Variants in LTBP1 observed in about 807,000 individuals in gnomAD.
LTBP1 encodes latent transforming growth factor beta binding protein 1, also known as latent-transforming growth factor beta-binding protein 1.
Under a neutral mutation model 207.6 loss-of-function variants are expected in LTBP1, and 129 were observed. The ratio of observed to expected loss-of-function variants is 0.62; its 90% CI spans 0.54 to 0.72. The LOEUF (loss-of-function observed/expected upper bound fraction) is 0.72, where lower values mean the gene tolerates loss of function less well. LTBP1 is among the 30% of genes least tolerant of loss of function. The probability of loss-of-function intolerance (pLI) is 0.00; values close to 1 mark genes in which losing one functional copy is unlikely to be tolerated. For synonymous variants in LTBP1, 963 were observed against 833.7 expected, an observed-to-expected ratio of 1.16 and a Z score of -2.67; for missense variants, 2,281 against 2,217.2, an observed-to-expected ratio of 1.03 and a Z score of -0.58.
intron 7 of LTBP1, among the ~76,000 whole-genome samples, chr2:33,205,584 T>C (rs1475026100): frequency 6.6e-6 from 1 of 152,212 alleles, no homozygotes; most frequent in African/African-American, 2.4e-5. Context: ...CCAGAATATA[T>C]GGCTTCCTTA....
At chr2:33,344,512 T>A (rs1280747293) in intron 25 of LTBP1, among the ~76,000 whole-genome samples, 1 of 152,186 alleles carries the variant, frequency 6.6e-6, no homozygotes, top group East Asian at 1.9e-4. Context: ...GGGAATATCC[T>A]CCTGACCTCT....
chr2:33,381,474 C>T (rs1336046446), intron 31 of LTBP1, among the ~76,000 whole-genome samples: 2 of 152,162 alleles, frequency 1.3e-5, no homozygotes, highest in Non-Finnish European at 2.9e-5. Flanking sequence ...AGAGTATTAA[C>T]ATTTACAGGA....
At chr2:33,385,698 C>T (rs535784633) in intron 31 of LTBP1, among the ~76,000 whole-genome samples, 2 of 152,194 alleles carry the variant, frequency 1.3e-5, no homozygotes, top group African/African-American at 4.8e-5. Flanking sequence ...CCCATTACCC[C>T]ACGATCCTGG....
At chr2:33,342,784 G>A (rs2094644453) in intron 24 of LTBP1, 54 bp from the exon 25 acceptor site, 2 of 1,590,806 alleles carry the variant, frequency 1.3e-6, no homozygotes, top group Non-Finnish European at 1.7e-6. Context: ...TTAATATCTG[G>A]TGTTTGTCAG....
intron 4 of LTBP1, among the ~76,000 whole-genome samples, chr2:33,118,528 G>C (rs944548217): frequency 2.6e-5 from 4 of 152,188 alleles, no homozygotes; most frequent in African/African-American, 9.7e-5. Context: ...TAGTACTAAA[G>C]ATTCCTGAAA....
intron 26 of LTBP1, among the ~76,000 whole-genome samples, chr2:33,347,775 A>G (rs1281355270): frequency 6.6e-6 from 1 of 152,220 alleles, no homozygotes; most frequent in Non-Finnish European, 1.5e-5. Flanking sequence ...CAAAATGATG[A>G]GGACATTTGC....
At chr2:33,021,725 A>T (rs1390421182) in intron 3 of LTBP1, among the ~76,000 whole-genome samples, 2 of 152,158 alleles carry the variant, frequency 1.3e-5, no homozygotes, top group African/African-American at 2.4e-5. Context: ...CACCATGTTT[A>T]TCTCCCAGTT....
Position 33,054,372 on chromosome 2 carries a change from G to A in LTBP1, c.863+33166G>A, listed in dbSNP as rs2076887393. ...TGCCTTTGATAAGGAAAAATGGTGG[G>A]ATCTTTTAACCTGATTTGGACTGGG... On this transcript the variant is annotated intron_variant, in intron 3 of 33. Transcript: ENST00000404816. Among the ~76,000 whole-genome samples the A allele has an allele frequency of 2.0e-5, 3 of 152,160 alleles. No homozygotes were observed. In the South Asian group the frequency reaches 6.2e-4, roughly 32 times the overall value.
intron 25 of LTBP1, among the ~76,000 whole-genome samples, chr2:33,344,459 A>T (rs2094674137): frequency 6.6e-6 from 1 of 152,088 alleles, no homozygotes; most frequent in Non-Finnish European, 1.5e-5. Context: ...GTGGTTGCCC[A>T]TGTCACTGTG....
chr2:33,392,093 G>T (rs2095319425), intron 32 of LTBP1, among the ~76,000 whole-genome samples: 2 of 152,224 alleles, frequency 1.3e-5, no homozygotes, highest in South Asian at 2.1e-4. Flanking sequence ...CACCATCTCT[G>T]TTACCTTTAG....
At chr2:33,192,470 A>C (rs1014875430) in intron 7 of LTBP1, among the ~76,000 whole-genome samples, 1 of 152,142 alleles carries the variant, frequency 6.6e-6, no homozygotes, top group African/African-American at 2.4e-5. Context: ...TCACACTCAG[A>C]CAGAAAAAAC....
intron 26 of LTBP1, among the ~76,000 whole-genome samples, chr2:33,360,117 T>G (rs1351572703): frequency 2.0e-5 from 3 of 152,206 alleles, no homozygotes; most frequent in Non-Finnish European, 4.4e-5. Flanking sequence ...CGACAGTATT[T>G]TCCTAGTTAT....
At chr2:33,119,852 T>C (rs754546983) in intron 4 of LTBP1, among the ~76,000 whole-genome samples, 20 of 152,210 alleles carry the variant, frequency 1.3e-4, no homozygotes, top group Non-Finnish European at 2.9e-4. Context: ...GCACTGCGCC[T>C]GGCCTGTAAA....
At chr2:33,193,699 T>C (rs2088196011) in intron 7 of LTBP1, among the ~76,000 whole-genome samples, 1 of 152,230 alleles carries the variant, frequency 6.6e-6, no homozygotes, top group African/African-American at 2.4e-5. Context: ...GACCTTTTCA[T>C]TGTTGTATCT....
At chr2:33,235,960 G>A (rs2092027810) in intron 9 of LTBP1, among the ~76,000 whole-genome samples, 1 of 152,120 alleles carries the variant, frequency 6.6e-6, no homozygotes, top group African/African-American at 2.4e-5. Context: ...GTAGATGGCG[G>A]GTTGATGGGT....
At chr2:33,042,808 C>T (rs1224827549) in intron 3 of LTBP1, among the ~76,000 whole-genome samples, 2 of 152,110 alleles carry the variant, frequency 1.3e-5, no homozygotes, top group Non-Finnish European at 2.9e-5. Context: ...TGTTGTTACG[C>T]TAATAAATTG....
intron 2 of LTBP1, among the ~76,000 whole-genome samples, chr2:33,011,266 T>C (rs1359593698): frequency 1.3e-5 from 2 of 152,152 alleles, no homozygotes; most frequent in Non-Finnish European, 2.9e-5. Context: ...CCCCTCCATG[T>C]ATTTTTGAAT....
intron 9 of LTBP1, among the ~76,000 whole-genome samples, chr2:33,226,780 G>T (rs2091463013): frequency 2.6e-5 from 4 of 152,262 alleles, no homozygotes; most frequent in Admixed American, 2.6e-4. Context: ...GGTGACTAGA[G>T]GTTGCCTTCA....
chr2:33,078,450 T>C (rs900797379), intron 3 of LTBP1, among the ~76,000 whole-genome samples: 1 of 152,240 alleles, frequency 6.6e-6, no homozygotes, highest in African/African-American at 2.4e-5. Flanking sequence ...GCTAATAATG[T>C]GACCAGAACC....
Sources: gnomAD v4.1 joint callset for allele counts (sites outside exome capture counted in the v4.1 genomes callset) on GRCh38, gnomAD v4.1.1 for gene constraint, MANE v1.5 for transcripts, NCBI Gene and HGNC (gene_info 2026-07-23, HGNC 2026-07-21) for gene names.